The following ASB3 variants were observed in gnomAD, a reference collection of about 807,000 sequenced individuals.
The protein encoded by ASB3 is ankyrin repeat and SOCS box containing 3, also known as ankyrin repeat and SOCS box protein 3.
Under a neutral mutation model 54.5 loss-of-function variants are expected in ASB3, and 41 were observed. The observed-to-expected ratio is 0.75, with a 90% CI of 0.59 to 0.98. The LOEUF (loss-of-function observed/expected upper bound fraction) is 0.98, where lower values mean the gene tolerates loss of function less well. ASB3 is among the 50% of genes least tolerant of loss of function. The pLI, the probability that ASB3 is intolerant of heterozygous loss-of-function variation, is 0.00. For synonymous variants in ASB3, 266 were observed against 221.2 expected (o/e 1.20, Z -1.80); for missense variants, 733 against 620.0 (o/e 1.18, Z -1.94).
intron 3 of ASB3, among the ~76,000 whole-genome samples, chr2:53,731,684 G>C (rs755528880): frequency 6.6e-6 from 1 of 151,948 alleles, no homozygotes; most frequent in African/African-American, 2.4e-5. Flanking sequence ...GACAAGCCTC[G>C]CTCTGTCGCC....
chr2:53,746,692 C>T (rs1383914245), intron 3 of ASB3, among the ~76,000 whole-genome samples: 1 of 151,994 alleles, frequency 6.6e-6, no homozygotes, highest in Admixed American at 6.6e-5. Flanking sequence ...GTTAGCCAGG[C>T]TGGTCTCGAA....
At chr2:53,764,803 A>T (rs994642507) in intron 2 of ASB3, among the ~76,000 whole-genome samples, 2 of 152,180 alleles carry the variant, frequency 1.3e-5, no homozygotes, top group African/African-American at 4.8e-5. Flanking sequence ...TGTCTATCCC[A>T]TCTGTTTTAT....
At chr2:53,736,101 T>C (rs1469908289) in intron 3 of ASB3, among the ~76,000 whole-genome samples, 1 of 151,868 alleles carries the variant, frequency 6.6e-6, no homozygotes, top group African/African-American at 2.4e-5. Flanking sequence ...AGGTAAATAG[T>C]GATAAATTGG....
At chr2:53,733,232 G>C (rs1422887808) in intron 3 of ASB3, among the ~76,000 whole-genome samples, 1 of 152,162 alleles carries the variant, frequency 6.6e-6, no homozygotes, top group East Asian at 1.9e-4. Flanking sequence ...GATGTAGAGA[G>C]AATGATACAT....
intron 9 of ASB3, among the ~76,000 whole-genome samples, chr2:53,682,596 C>T (rs539401297): frequency 6.6e-6 from 1 of 152,230 alleles, no homozygotes; most frequent in South Asian, 2.1e-4. Flanking sequence ...CCTGCCTCAA[C>T]CTCTTGAGTA....
intron 3 of ASB3, among the ~76,000 whole-genome samples, chr2:53,740,321 G>C (rs557045481): frequency 6.6e-6 from 1 of 152,120 alleles, no homozygotes; most frequent in Non-Finnish European, 1.5e-5. Flanking sequence ...ACATTTGTAA[G>C]AACATTTATC....
chr2:53,756,673 G>A (rs1558562790), intron 2 of ASB3, among the ~76,000 whole-genome samples: 1 of 152,130 alleles, frequency 6.6e-6, no homozygotes, highest in East Asian at 1.9e-4. Context: ...CATTGTATGG[G>A]AGCTCTGTTT....
intron 8 of ASB3, chr2:53,694,642 A>G (rs1018615801): frequency 9.2e-5 from 14 of 152,164 alleles, no homozygotes; most frequent in African/African-American, 3.4e-4. Flanking sequence ...AACCCACTCA[A>G]AAGAGGCTAA....
chr2:53,683,806 T>C (rs1226217865), intron 9 of ASB3, among the ~76,000 whole-genome samples: 2 of 152,162 alleles, frequency 1.3e-5, no homozygotes, highest in Non-Finnish European at 2.9e-5. Flanking sequence ...GTATCGGTTA[T>C]AATGTCTTCT....
intron 9 of ASB3, among the ~76,000 whole-genome samples, chr2:53,677,103 A>T (rs1277220631): frequency 1.3e-5 from 2 of 152,172 alleles, no homozygotes; most frequent in African/African-American, 2.4e-5. Flanking sequence ...TCCTATGTTT[A>T]GAAACACAAA....
chr2:53,696,369 A>G (rs1436179592), intron 8 of ASB3, among the ~76,000 whole-genome samples: 3 of 152,046 alleles, frequency 2.0e-5, no homozygotes, highest in Admixed American at 6.6e-5. Flanking sequence ...AAAATTCTCA[A>G]CTGTTCACAA....
chr2:53,704,889 T>C (rs1248354036), intron 7 of ASB3, among the ~76,000 whole-genome samples: 3 of 152,220 alleles, frequency 2.0e-5, no homozygotes, highest in Non-Finnish European at 4.4e-5. Context: ...AACTCTCTAA[T>C]AAAGAACTCA....
At chr2:53,701,050 A>C (rs561416465) in intron 7 of ASB3, among the ~76,000 whole-genome samples, 1 of 152,306 alleles carries the variant, frequency 6.6e-6, no homozygotes, top group South Asian at 2.1e-4. Flanking sequence ...ATCAAGGCTC[A>C]CTGTAACTGA....
chr2:53,751,405 T>C (rs1318518134), intron 2 of ASB3, among the ~76,000 whole-genome samples: 1 of 152,192 alleles, frequency 6.6e-6, no homozygotes, highest in Non-Finnish European at 1.5e-5. Context: ...AAATACTCCT[T>C]TTCTAACTTA....
At chr2:53,710,405 G>C (rs566776344) in intron 7 of ASB3, among the ~76,000 whole-genome samples, 6 of 152,192 alleles carry the variant, frequency 3.9e-5, no homozygotes, top group Admixed American at 3.9e-4. Flanking sequence ...TTTCCAGTGT[G>C]TTAGCCTCAT....
intron 7 of ASB3, among the ~76,000 whole-genome samples, chr2:53,700,799 CATT>C (rs1669448052): frequency 6.6e-6 from 1 of 152,064 alleles, no homozygotes; most frequent in Non-Finnish European, 1.5e-5. Context: ...AAAAAATTAT[CATT>C]GACAGAAAAC....
At chr2:53,688,700 T>G (rs560002989) in intron 9 of ASB3, among the ~76,000 whole-genome samples, 21 of 151,970 alleles carry the variant, frequency 1.4e-4, no homozygotes, top group Admixed American at 1.1e-3. Flanking sequence ...AACCAAACAC[T>G]GCATTTTCTC....
intron 9 of ASB3, among the ~76,000 whole-genome samples, chr2:53,685,291 T>C (rs147653281): frequency 2.0e-5 from 3 of 152,212 alleles, no homozygotes; most frequent in East Asian, 3.9e-4. Flanking sequence ...GAAGAAGAGA[T>C]GGAATAAGAA....
chr2:53,707,023 T>A lies in ASB3; in HGVS notation c.981-6495A>T, dbSNP rs113179255. Among the ~76,000 whole-genome samples, 692 of 152,292 alleles carry A rather than the reference T, an allele frequency of 4.5e-3. 8 individuals are homozygous for A. The highest frequency in any genetic ancestry group is 0.016 in the African/African-American group (663 of 41,554). Reference sequence around the variant, plus strand: ...TGTTTACCCTGCCCAGCTCTTCTTTTGCTGTGAATAAATAATTGTTCTGGT... The same window carrying A: ...TGTTTACCCTGCCCAGCTCTTCTTTAGCTGTGAATAAATAATTGTTCTGGT... On this transcript the variant is annotated intron_variant, in intron 7 of 9. Transcript: ENST00000263634.
Sources: gnomAD v4.1 joint callset for allele counts (sites outside exome capture counted in the v4.1 genomes callset) on GRCh38, gnomAD v4.1.1 for gene constraint, MANE v1.5 for transcripts, NCBI Gene and HGNC (gene_info 2026-07-23, HGNC 2026-07-21) for gene names.